CANX: variants seen among roughly 807,000 people sequenced by gnomAD.
The protein encoded by CANX is epididymis secretory sperm binding protein.
Under a neutral mutation model 75.7 loss-of-function variants are expected in CANX, and 14 were observed. The ratio of observed to expected loss-of-function variants is 0.19; its 90% confidence interval spans 0.12 to 0.29. CANX has a LOEUF of 0.29. CANX is among the 10% of genes least tolerant of loss of function. The pLI is 1.00. For synonymous variants in CANX, 227 were observed against 236.9 expected (o/e 0.96, Z 0.38); for missense variants, 567 against 713.2 (o/e 0.79, Z 2.34).
In CANX at chr5:179,728,748, C is replaced by G. The variant is rs748124474; in HGVS notation, c.*104C>G. On this transcript the variant is annotated 3_prime_UTR_variant, in exon 15 of 15. Transcript: ENST00000247461. ...CCTTAGGTTGACATTCAGAAAACTT[C>G]AAGACATCACCATCAGCAGGCTCCA... The G allele has an allele frequency of 1.2e-5, 9 of 771,672 alleles. No individual in the cohort carries two copies. Among genetic ancestry groups the G allele is most frequent in the Non-Finnish European group, 2.1e-5 (9 of 428,714 alleles). 47.8% of individuals were successfully genotyped at this position (771,672 alleles called of 1,614,324 possible). A position where few individuals can be genotyped will look rare whatever the true frequency, so the allele number is the denominator to read the frequency against.
chr5:179,698,619 G>A (rs1316566369), upstream of CANX: 7 of 1,280,722 alleles, frequency 5.5e-6, no homozygotes, highest in African/African-American at 1.5e-5. Context: ...GGCTACTGGG[G>A]GTTGGGTTGG....
intron 1 of CANX, chr5:179,678,947 G>A: frequency 4.6e-6 from 7 of 1,535,252 alleles, no homozygotes; most frequent in Non-Finnish European, 6.1e-6. Flanking sequence ...CATGCACGGC[G>A]CGCCGTAGGC....
At position 179,707,658 on chromosome 5, in the gene CANX, T is replaced by TA. The variant is rs532064204; in HGVS notation, c.304+468_304+469insA. Among the ~76,000 whole-genome samples, 1,016 of 130,416 alleles carry TA rather than the reference T, an allele frequency of 7.8e-3. 4 individuals are homozygous for TA. Among genetic ancestry groups the TA allele is most frequent in the Non-Finnish European group, 0.013 (760 of 59,106 alleles). 85.6% of individuals were successfully genotyped at this position (130,416 alleles called of 152,430 possible). On this transcript the variant is annotated intron_variant, in intron 4 of 14. Coordinates refer to ENST00000247461, the MANE Select transcript of CANX (RefSeq NM_001746.4). ...GTGTGTTGCCTAATTTTTTTTTTTT[T>TA]TTTTTTTTTATTTAAGGTTCAGGGG...
chr5:179,710,283 C>T (rs1777452307), intron 7 of CANX, among the ~76,000 whole-genome samples: 1 of 151,592 alleles, frequency 6.6e-6, no homozygotes, highest in Middle Eastern at 3.2e-3. Context: ...ATTAGCTAGG[C>T]ATGGTGGTGC....
At chr5:179,727,796 G>A (rs1469901099) in intron 14 of CANX, among the ~76,000 whole-genome samples, 2 of 152,182 alleles carry the variant, frequency 1.3e-5, no homozygotes, top group Non-Finnish European at 2.9e-5. Context: ...GAGGGTATGA[G>A]AACTAGTTGG....
intron 4 of CANX, among the ~76,000 whole-genome samples, chr5:179,707,583 CAAAAAA>C (rs1200030925): frequency 1.7e-5 from 1 of 57,322 alleles, no homozygotes. Flanking sequence ...GACTCCGTCT[CAAAAAA>C]AAAAAAAAAA....
chr5:179,683,690 C>T (rs2113029627), intron 1 of CANX, among the ~76,000 whole-genome samples: 1 of 152,074 alleles, frequency 6.6e-6, no homozygotes, highest in African/African-American at 2.4e-5. Flanking sequence ...CCTGCCACCA[C>T]ACCCAGCTAA....
At chr5:179,681,101 C>A in intron 1 of CANX, 2 of 584,052 alleles carry the variant, frequency 3.4e-6, no homozygotes, top group African/African-American at 1.9e-5. Flanking sequence ...CAGGCCAGGC[C>A]ACCCCAGGAC....
intron 12 of CANX, 71 bp from the exon 13 acceptor site, chr5:179,724,586 T>C: frequency 7.6e-7 from 1 of 1,311,792 alleles, no homozygotes; most frequent in Non-Finnish European, 1.1e-6. Context: ...ACTTTGCCTG[T>C]AGGCATTCAG....
chr5:179,678,691 C>T (rs1187087823), exon 1 of CANX: 14 of 1,536,714 alleles, frequency 9.1e-6, no homozygotes, highest in South Asian at 2.4e-5. Flanking sequence ...TCGGGATCAC[C>T]TCGGGGTTGC....
chr5:179,715,855 C>G (rs1400556120), intron 7 of CANX: 3 of 498,716 alleles, frequency 6.0e-6, no homozygotes, highest in Non-Finnish European at 1.1e-5. Context: ...TAAGTCAAGT[C>G]TTTGGTGTTA....
Position 179,707,185 on chromosome 5 carries a change from A to G in CANX, c.299A>G (p.Tyr100Cys). 1 of 1,566,836 alleles carries G rather than the reference A, an allele frequency of 6.4e-7. No homozygotes were observed. Among genetic ancestry groups the G allele is most frequent in the Non-Finnish European group, 8.8e-7 (1 of 1,136,896 alleles). The change falls in exon 4 of 15, where the codon TAT becomes TGT. Residue 100 changes from tyrosine to cysteine, a missense_variant. Tyr to Cys is a radical substitution (Grantham distance 194). Coordinates refer to ENST00000247461, the MANE Select transcript of CANX (RefSeq NM_001746.4). Reference sequence around the variant, plus strand: ...GATACCGATGATGAAATTGCCAAATATGATGGTGAGAATCCCATTTGGTTT... The same window carrying G: ...GATACCGATGATGAAATTGCCAAATGTGATGGTGAGAATCCCATTTGGTTT... ...KDDTDDEIAK[Y>C]DGKWEVEEMK...
chr5:179,679,220 G>A (rs925910983), intron 1 of CANX: 1 of 1,533,734 alleles, frequency 6.5e-7, no homozygotes, highest in Non-Finnish European at 8.7e-7. Context: ...CTCTTGTCTC[G>A]GGAGCCCGGA....
intron 1 of CANX, among the ~76,000 whole-genome samples, chr5:179,683,652 G>A (rs1379349708): frequency 1.3e-5 from 2 of 151,824 alleles, no homozygotes; most frequent in Non-Finnish European, 2.9e-5. Flanking sequence ...TCCTGTCTCA[G>A]CCTCCCAAGT....
rs913729221 is a variant in CANX, at chr5:179,731,533, C to G, written c.*2889C>G. Among the ~76,000 whole-genome samples the G allele has an allele frequency of 2.0e-5, 3 of 149,144 alleles. No individual in the cohort carries two copies. Among genetic ancestry groups the G allele is most frequent in the Non-Finnish European group, 3.0e-5 (2 of 67,548 alleles). On this transcript the variant is annotated 3_prime_UTR_variant, in exon 15 of 15. Coordinates refer to ENST00000247461, the MANE Select transcript of CANX (RefSeq NM_001746.4). Reference sequence around the variant, plus strand: ...CTTTTGCCTTGGTGGCCCACTTTCTCCATTTAAAACATTAGGATTTGTATT... The same window carrying G: ...CTTTTGCCTTGGTGGCCCACTTTCTGCATTTAAAACATTAGGATTTGTATT...
upstream of CANX, among the ~76,000 whole-genome samples, chr5:179,696,319 A>G (rs1195129586): frequency 7.7e-6 from 1 of 130,196 alleles, no homozygotes; most frequent in Non-Finnish European, 1.5e-5. Context: ...TCTGTCACCC[A>G]AGCTAGAGTG....
At chr5:179,706,926 T>C (rs1431585135) in intron 3 of CANX, among the ~76,000 whole-genome samples, 1 of 152,232 alleles carries the variant, frequency 6.6e-6, no homozygotes, top group Non-Finnish European at 1.5e-5. Flanking sequence ...AGTGGAATTA[T>C]CTCATAGGTT....
At chr5:179,724,881 G>T (rs1778548029) in intron 13 of CANX, 98 bp downstream of exon 13, 3 of 1,461,758 alleles carry the variant, frequency 2.1e-6, no homozygotes. Flanking sequence ...GCCAGGCGTG[G>T]TGGCTCAAGC....
chr5:179,716,303 T>G lies in CANX; in HGVS notation c.911+9T>G. On this transcript the variant is annotated intron_variant, in intron 8 of 14. Coordinates refer to ENST00000247461, the MANE Select transcript of CANX (RefSeq NM_001746.4). Reference sequence around the variant, plus strand: ...GTCAAGCCAGATGACTGGTGAGTCTTGGGGAACTGTCTTCAAGTGTAAGGG... The same window carrying G: ...GTCAAGCCAGATGACTGGTGAGTCTGGGGGAACTGTCTTCAAGTGTAAGGG... The G allele has an allele frequency of 6.2e-7, 1 of 1,608,180 alleles. No individual in the cohort carries two copies.
Sources: allele counts gnomAD v4.1 joint callset (sites outside exome capture counted in the v4.1 genomes callset), GRCh38; gene constraint gnomAD v4.1.1; transcripts MANE v1.5; gene names NCBI Gene and HGNC (gene_info 2026-07-23, HGNC 2026-07-21).